Variants in ZNF385D observed in about 807,000 individuals in gnomAD.
ZNF385D encodes zinc finger protein 659.
A neutral mutation model predicts 35.8 loss-of-function variants in ZNF385D; 15 were observed. The ratio of observed to expected loss-of-function variants is 0.42; its 90% CI spans 0.28 to 0.64. ZNF385D has a LOEUF of 0.64. Ranked by LOEUF, ZNF385D falls within the 30% of genes least tolerant of loss-of-function variation. The pLI is 0.23. For missense variants in ZNF385D, 474 were observed against 494.6 expected (o/e 0.96, Z 0.39); for synonymous variants, 212 against 186.8 (o/e 1.13, Z -1.10).
intron 3 of ZNF385D, among the ~76,000 whole-genome samples, chr3:21,896,834 T>A (rs569377519): frequency 4.1e-5 from 6 of 147,106 alleles, no homozygotes; most frequent in South Asian, 2.2e-4. Flanking sequence ...TTTTTTTTTT[T>A]AAATGCTTAA....
chr3:22,089,895 G>C, intron 3 of ZNF385D, among the ~76,000 whole-genome samples: 1 of 152,264 alleles, frequency 6.6e-6, no homozygotes, highest in Non-Finnish European at 1.5e-5. Context: ...GAGTGCTGCA[G>C]TGGCATGATC....
At chr3:21,451,989 A>G (rs1271764810) in intron 4 of ZNF385D, among the ~76,000 whole-genome samples, 8 of 152,058 alleles carry the variant, frequency 5.3e-5, no homozygotes, top group Admixed American at 5.2e-4. Flanking sequence ...CAGCAATTAT[A>G]TATTTTTTAT....
At chr3:22,343,434 T>G (rs1446228982) in intron 2 of ZNF385D, among the ~76,000 whole-genome samples, 1 of 152,228 alleles carries the variant, frequency 6.6e-6, no homozygotes, top group South Asian at 2.1e-4. Flanking sequence ...CTGAGGACTT[T>G]GGAACTGGAG....
At chr3:21,858,775 G>C (rs1432063354) in intron 3 of ZNF385D, among the ~76,000 whole-genome samples, 1 of 152,108 alleles carries the variant, frequency 6.6e-6, no homozygotes, top group Non-Finnish European at 1.5e-5. Flanking sequence ...GAATTTTATA[G>C]TTCTACATAA....
chr3:21,838,421 G>A (rs1351592069), intron 3 of ZNF385D, among the ~76,000 whole-genome samples: 1 of 152,102 alleles, frequency 6.6e-6, no homozygotes, highest in Non-Finnish European at 1.5e-5. Context: ...TTCTCATAAT[G>A]AATTTAGATG....
At chr3:22,334,525 C>T (rs1024203282) in intron 2 of ZNF385D, among the ~76,000 whole-genome samples, 1 of 152,116 alleles carries the variant, frequency 6.6e-6, no homozygotes, top group Non-Finnish European at 1.5e-5. Flanking sequence ...TATCATTATA[C>T]TTCTGACTGA....
chr3:21,862,453 A>G (rs2125831925), intron 3 of ZNF385D, among the ~76,000 whole-genome samples: 1 of 152,250 alleles, frequency 6.6e-6, no homozygotes, highest in East Asian at 1.9e-4. Context: ...GAAAAGTAAC[A>G]GAAATAGGAC....
At chr3:22,199,657 C>G (rs1696650280) in intron 2 of ZNF385D, among the ~76,000 whole-genome samples, 1 of 152,064 alleles carries the variant, frequency 6.6e-6, no homozygotes, top group Non-Finnish European at 1.5e-5. Context: ...TATCGTTAGC[C>G]TCATTGTTCA....
chr3:21,704,601 C>G (rs9859592), intron 1 of ZNF385D, among the ~76,000 whole-genome samples: 2 of 150,784 alleles, frequency 1.3e-5, no homozygotes, highest in African/African-American at 4.9e-5. Flanking sequence ...ATCTGCCTTC[C>G]GGGTTCAAGC....
intron 3 of ZNF385D, among the ~76,000 whole-genome samples, chr3:21,887,846 A>G (rs766909707): frequency 2.6e-5 from 4 of 152,090 alleles, no homozygotes; most frequent in Admixed American, 6.6e-5. Context: ...AAAAAAATGC[A>G]TGGTTAATTA....
chr3:22,108,606 G>A (rs75384587), intron 3 of ZNF385D, among the ~76,000 whole-genome samples: 2 of 152,258 alleles, frequency 1.3e-5, no homozygotes, highest in Non-Finnish European at 2.9e-5. Context: ...GACTAAGAGA[G>A]GGGCCTTAGA....
At chr3:21,866,849 C>T (rs1697391752) in intron 3 of ZNF385D, among the ~76,000 whole-genome samples, 1 of 152,106 alleles carries the variant, frequency 6.6e-6, no homozygotes, top group African/African-American at 2.4e-5. Flanking sequence ...CAAAGGCCTG[C>T]CTAGGGCCCA....
chr3:21,750,713 A>C (rs2070032279), intron 1 of ZNF385D, among the ~76,000 whole-genome samples, 182 bp downstream of exon 1: 1 of 151,592 alleles, frequency 6.6e-6, no homozygotes, highest in South Asian at 2.1e-4. Context: ...CGGCTAAATT[A>C]ACAGCCCCAG....
At chr3:21,598,953 T>G (rs758552380) in intron 2 of ZNF385D, among the ~76,000 whole-genome samples, 22 of 152,196 alleles carry the variant, frequency 1.4e-4, no homozygotes, top group Non-Finnish European at 2.6e-4. Flanking sequence ...TGTCTTTAGG[T>G]CTCCCTGCCA....
intron 3 of ZNF385D, among the ~76,000 whole-genome samples, chr3:21,881,334 A>G (rs959273295): frequency 2.6e-5 from 4 of 151,996 alleles, no homozygotes; most frequent in African/African-American, 9.7e-5. Flanking sequence ...GCCAGTGCTC[A>G]TTGACCATTC....
chr3:21,463,613 C>T (rs542353975), intron 4 of ZNF385D, among the ~76,000 whole-genome samples: 9 of 152,238 alleles, frequency 5.9e-5, no homozygotes, highest in African/African-American at 2.2e-4. Context: ...ATGGCTGGCT[C>T]GCTTTCTCTC....
At position 21,663,914 on chromosome 3, in the gene ZNF385D, TA is replaced by T. The variant is rs1222146566; in HGVS notation, c.165+971del. On this transcript the variant is annotated intron_variant, in intron 2 of 7. Coordinates refer to ENST00000281523, the MANE Select transcript of ZNF385D (RefSeq NM_024697.3). ...GAATATATATATATATATATATATATATATTTATTTATTTAAATCCATCATG... is the reference window on the plus strand; with the variant it reads ...GAATATATATATATATATATATATATTATTTATTTATTTAAATCCATCATG... 7.0e-4 allele frequency among the ~76,000 whole-genome samples: 90 copies of T among 128,490 alleles called. 4 individuals are homozygous for T. Among genetic ancestry groups the T allele is most frequent in the Admixed American group, 1.5e-3 (19 of 12,528 alleles). The allele number at this position is 128,490 out of a possible 152,430, so 84.3% of individuals were successfully genotyped here.
chr3:21,531,263 T>C (rs1204951987), intron 3 of ZNF385D, among the ~76,000 whole-genome samples: 1 of 152,206 alleles, frequency 6.6e-6, no homozygotes, highest in Non-Finnish European at 1.5e-5. Context: ...CATGAAATGC[T>C]GGCAAGGATG....
chr3:21,558,111 AT>A (rs57100355), intron 3 of ZNF385D, among the ~76,000 whole-genome samples: 55,714 of 125,874 alleles, frequency 0.44, 9,745 homozygotes, highest in African/African-American at 0.53. Flanking sequence ...GGATTCATTG[AT>A]TTTTTTTTTT....
Sources: gnomAD v4.1 joint callset for allele counts (sites outside exome capture counted in the v4.1 genomes callset) on GRCh38, gnomAD v4.1.1 for gene constraint, MANE v1.5 for transcripts, NCBI Gene and HGNC (gene_info 2026-07-23, HGNC 2026-07-21) for gene names.